The following SGCD variants were observed in gnomAD, a reference collection of about 807,000 sequenced individuals.
The protein encoded by SGCD is delta-sarcoglycan.
In SGCD, 18 loss-of-function variants were observed where a neutral mutation model predicts 36.6. The observed-to-expected ratio is 0.49, with a 90% CI of 0.34 to 0.73. The LOEUF is 0.73. SGCD is among the 30% of genes least tolerant of loss of function. The pLI is 0.01. For missense variants in SGCD, 387 were observed against 346.7 expected (o/e 1.12, Z -0.92); for synonymous variants, 133 against 130.6 (o/e 1.02, Z -0.12).
chr5:156,611,724 C>T (rs533216753), intron 6 of SGCD, among the ~76,000 whole-genome samples: 17 of 152,262 alleles, frequency 1.1e-4, no homozygotes, highest in African/African-American at 3.4e-4. Flanking sequence ...TGCAAACATT[C>T]GTTAACTTAA....
At chr5:156,119,083 A>C (rs541308447) in intron 2 of SGCD, among the ~76,000 whole-genome samples, 54 of 152,248 alleles carry the variant, frequency 3.5e-4, no homozygotes, top group Non-Finnish European at 6.9e-4. Context: ...TCATTCCAGT[A>C]TGTAGTGGGA....
At chr5:156,607,278 G>C (rs1561810602) in intron 6 of SGCD, among the ~76,000 whole-genome samples, 1 of 152,072 alleles carries the variant, frequency 6.6e-6, no homozygotes, top group Admixed American at 6.6e-5. Context: ...TTTGTCAAAG[G>C]CTTTTTCTGC....
intron 3 of SGCD, among the ~76,000 whole-genome samples, chr5:156,303,151 G>T (rs2127685613): frequency 6.6e-6 from 1 of 152,256 alleles, no homozygotes; most frequent in African/African-American, 2.4e-5. Context: ...TCTACTTGGT[G>T]CTCCATTCTA....
chr5:156,585,647 A>G (rs939530309), intron 4 of SGCD, among the ~76,000 whole-genome samples: 3 of 152,174 alleles, frequency 2.0e-5, no homozygotes, highest in Non-Finnish European at 4.4e-5. Context: ...GAGAGGACCC[A>G]TGGACTATTC....
chr5:155,841,348 T>C, the SGCD span, among the ~76,000 whole-genome samples: 1 of 152,238 alleles, frequency 6.6e-6, no homozygotes, highest in East Asian at 1.9e-4. Flanking sequence ...AATGTGTATA[T>C]GCATATATTA....
chr5:156,253,061 T>C (rs1239478766), intron 3 of SGCD, among the ~76,000 whole-genome samples: 2 of 152,206 alleles, frequency 1.3e-5, no homozygotes, highest in African/African-American at 4.8e-5. Flanking sequence ...ACAACTACTT[T>C]AATTTTTAAA....
intron 3 of SGCD, among the ~76,000 whole-genome samples, chr5:156,442,561 T>C (rs542381518): frequency 6.6e-6 from 1 of 152,226 alleles, no homozygotes; most frequent in African/African-American, 2.4e-5. Flanking sequence ...GGCACTTTTG[T>C]AGCCTGCTCA....
At chr5:156,223,365 A>G (rs1002625435) in intron 3 of SGCD, among the ~76,000 whole-genome samples, 2 of 152,094 alleles carry the variant, frequency 1.3e-5, no homozygotes, top group African/African-American at 4.8e-5. Context: ...GGATCTTATT[A>G]CGATTGTTAA....
At chr5:156,270,721 A>G (rs181809716) in intron 3 of SGCD, among the ~76,000 whole-genome samples, 1 of 152,292 alleles carries the variant, frequency 6.6e-6, no homozygotes, top group Non-Finnish European at 1.5e-5. Context: ...CAAAGAAAGT[A>G]CTTCCTGTCT....
chr5:156,650,342 T>G (rs1266150858), intron 7 of SGCD, among the ~76,000 whole-genome samples: 2 of 152,172 alleles, frequency 1.3e-5, no homozygotes, highest in Non-Finnish European at 2.9e-5. Context: ...TTTTTAATAA[T>G]TTCAACTTTC....
chr5:156,297,409 C>T (rs1011651887), intron 3 of SGCD, among the ~76,000 whole-genome samples: 12 of 151,976 alleles, frequency 7.9e-5, no homozygotes, highest in African/African-American at 2.9e-4. Context: ...CTATGATAGA[C>T]TGGATTGAGA....
chr5:156,635,563 C>T (rs940413501), intron 6 of SGCD, among the ~76,000 whole-genome samples: 13 of 152,094 alleles, frequency 8.5e-5, no homozygotes, highest in African/African-American at 3.1e-4. Context: ...ATAAAACATA[C>T]TGCTGTAAAG....
chr5:156,292,152 C>T lies in SGCD; in HGVS notation c.-43-37382C>T, dbSNP rs527282831. 7.2e-5 allele frequency among the ~76,000 whole-genome samples: 11 copies of T among 152,184 alleles called. No individual in the cohort carries two copies. In the South Asian group the frequency reaches 2.3e-3, roughly 32 times the overall value. ...TCAGGTCCTCCAGTTTCTATCCTAACCATTTTTAAGTGTACACTTCATTGA... is the reference window on the plus strand; with the variant it reads ...TCAGGTCCTCCAGTTTCTATCCTAATCATTTTTAAGTGTACACTTCATTGA... On this transcript the variant is annotated intron_variant, in intron 3 of 9. Transcript: ENST00000517913.
At chr5:156,549,035 C>T (rs1758690510) in intron 4 of SGCD, among the ~76,000 whole-genome samples, 1 of 151,928 alleles carries the variant, frequency 6.6e-6, no homozygotes. Flanking sequence ...TATGTCTCCC[C>T]TCCCACCACC....
chr5:155,998,226 T>A (rs965119046), intron 1 of SGCD, among the ~76,000 whole-genome samples: 2 of 152,202 alleles, frequency 1.3e-5, no homozygotes, highest in Non-Finnish European at 2.9e-5. Flanking sequence ...ATTTCTTCCA[T>A]CTTAAAATAA....
chr5:155,897,798 A>G (rs778632199), intron 1 of SGCD, among the ~76,000 whole-genome samples: 7 of 152,188 alleles, frequency 4.6e-5, no homozygotes, highest in African/African-American at 1.7e-4. Flanking sequence ...TTCTATTATA[A>G]TCTTAAAATG....
At chr5:156,438,837 A>T (rs1319986976) in intron 3 of SGCD, among the ~76,000 whole-genome samples, 1 of 152,180 alleles carries the variant, frequency 6.6e-6, no homozygotes, top group Non-Finnish European at 1.5e-5. Flanking sequence ...GATAACAGTC[A>T]TAACAACTCA....
intron 3 of SGCD, among the ~76,000 whole-genome samples, chr5:156,178,844 G>T (rs961658798): frequency 6.6e-6 from 1 of 152,188 alleles, no homozygotes; most frequent in Non-Finnish European, 1.5e-5. Flanking sequence ...GGGATTACAG[G>T]TGTGAGCCAC....
chr5:155,942,310 G>GTATC (rs1406662555), intron 1 of SGCD, among the ~76,000 whole-genome samples: 8 of 96,796 alleles, frequency 8.3e-5, no homozygotes, highest in South Asian at 3.7e-4. Context: ...ATGTATGTAT[G>GTATC]TATGTATGTA....
Sources: allele counts gnomAD v4.1 joint callset (sites outside exome capture counted in the v4.1 genomes callset), GRCh38; gene constraint gnomAD v4.1.1; transcripts MANE v1.5; gene names NCBI Gene and HGNC (gene_info 2026-07-23, HGNC 2026-07-21).